The following PCSK5 variants were observed in gnomAD, a reference collection of about 807,000 sequenced individuals.
PCSK5 encodes the protein prohormone convertase 5.
PCSK5 carries 129 observed loss-of-function variants against 233.2 expected under a neutral mutation model. The observed-to-expected ratio is 0.55, with a 90% confidence interval of 0.48 to 0.64. The LOEUF is 0.64. Ranked by LOEUF, PCSK5 falls within the 30% of genes least tolerant of loss-of-function variation. PCSK5 has a pLI of 0.00. For missense variants in PCSK5, 2,076 were observed against 2,430.1 expected (o/e 0.85, Z 3.06); for synonymous variants, 825 against 879.2 (o/e 0.94, Z 1.09).
chr9:76,042,932 T>C (rs1371317592), intron 5 of PCSK5, among the ~76,000 whole-genome samples: 1 of 152,208 alleles, frequency 6.6e-6, no homozygotes, highest in African/African-American at 2.4e-5. Flanking sequence ...CTGTTATCAC[T>C]GTGGGTTGGA....
Position 76,350,851 on chromosome 9 carries a change from T to C in PCSK5, c.4990T>C (p.Ser1664Pro), listed in dbSNP as rs1190761284. 1 of 1,605,780 alleles carries C rather than the reference T, an allele frequency of 6.2e-7. No homozygotes were observed. Among genetic ancestry groups the C allele is most frequent in the Non-Finnish European group, 8.5e-7 (1 of 1,173,848 alleles). ...CKGKGALNCLSCVWSYHLMGG... is the reference protein window; with the variant it reads ...CKGKGALNCLPCVWSYHLMGG... ...AGGAAAAGGAGCGTTGAATTGTTTA[T>C]CCTGTGTGTGGAGTTACCACCTCAT... is the stretch of plus-strand genomic sequence containing the variant. Residue 1664 changes from serine to proline, a missense_variant, in exon 36 of 38, where the codon TCC becomes CCC. Physicochemically the swap from Ser to Pro is moderately conservative, Grantham distance 74. Around this residue, in one of 6 missense-constraint regions of PCSK5, gnomAD observed 1,510 missense variants for 1,538.1 expected, o/e 0.98. Coordinates refer to ENST00000674117, the MANE Select transcript of PCSK5 (RefSeq NM_001372043.1).
chr9:75,958,821 C>T (rs775303342), intron 2 of PCSK5, among the ~76,000 whole-genome samples: 1 of 152,130 alleles, frequency 6.6e-6, no homozygotes, highest in Non-Finnish European at 1.5e-5. Context: ...GAGGTTAATT[C>T]GTGCAAAAAG....
chr9:76,236,567 C>A (rs905586261), intron 22 of PCSK5, among the ~76,000 whole-genome samples: 1 of 152,152 alleles, frequency 6.6e-6, no homozygotes, highest in African/African-American at 2.4e-5. Flanking sequence ...AAAATTTATG[C>A]ATGGTATTTA....
intron 24 of PCSK5, among the ~76,000 whole-genome samples, chr9:76,244,293 G>A (rs1251565653): frequency 2.0e-5 from 3 of 152,126 alleles, no homozygotes; most frequent in East Asian, 1.9e-4. Flanking sequence ...AGGAAGCTTT[G>A]ATCAGACCAT....
chr9:76,139,712 A>G (rs1482822606), intron 10 of PCSK5, among the ~76,000 whole-genome samples: 1 of 151,812 alleles, frequency 6.6e-6, no homozygotes, highest in African/African-American at 2.4e-5. Context: ...ATTGACTGAA[A>G]CCCTTTCATT....
Position 76,113,091 on chromosome 9 carries a change from T to C in PCSK5, c.1208+5740T>C, listed in dbSNP as rs1159142766. On this transcript the variant is annotated intron_variant, in intron 9 of 37. Transcript: ENST00000674117. ...TCCATATCCTTTAGTTGATATTCATTAGTGACTTCTTTCTCCCATACTGCC... is the reference window on the plus strand; with the variant it reads ...TCCATATCCTTTAGTTGATATTCATCAGTGACTTCTTTCTCCCATACTGCC... 2.6e-5 allele frequency among the ~76,000 whole-genome samples: 4 copies of C among 152,314 alleles called. No homozygotes were observed. In the East Asian group the frequency reaches 7.7e-4, roughly 29 times the overall value.
chr9:76,235,758 C>T (rs565031460), intron 22 of PCSK5, among the ~76,000 whole-genome samples: 218 of 152,294 alleles, frequency 1.4e-3, no homozygotes, highest in African/African-American at 5.0e-3. Context: ...AAGGCTTCCT[C>T]GAGGTGGGGT....
At chr9:76,248,201 A>T (rs575858536) in intron 24 of PCSK5, among the ~76,000 whole-genome samples, 1 of 152,280 alleles carries the variant, frequency 6.6e-6, no homozygotes, top group Non-Finnish European at 1.5e-5. Flanking sequence ...AAGTGCTAGG[A>T]TTACAGGCAT....
At chr9:75,970,726 A>C (rs1389545684) in intron 2 of PCSK5, among the ~76,000 whole-genome samples, 1 of 151,974 alleles carries the variant, frequency 6.6e-6, no homozygotes, top group African/African-American at 2.4e-5. Context: ...GGTTCAAATA[A>C]TTCTCCTGCC....
chr9:76,130,386 A>G (rs900958581), intron 9 of PCSK5, among the ~76,000 whole-genome samples: 2 of 152,196 alleles, frequency 1.3e-5, no homozygotes, highest in African/African-American at 4.8e-5. Flanking sequence ...GTTTGGAAAT[A>G]GTGTTATATG....
chr9:76,192,099 C>T (rs1217069153), intron 20 of PCSK5, among the ~76,000 whole-genome samples: 4 of 146,044 alleles, frequency 2.7e-5, no homozygotes, highest in Non-Finnish European at 1.5e-5. Flanking sequence ...AAGTGATGAT[C>T]GATGCAGGAA....
intron 5 of PCSK5, among the ~76,000 whole-genome samples, chr9:76,047,222 G>A (rs1252807607): frequency 2.6e-5 from 4 of 151,538 alleles, no homozygotes; most frequent in Admixed American, 1.3e-4. Context: ...TCAGCCTCCC[G>A]AGTAGCTGGG....
intron 24 of PCSK5, chr9:76,288,095 TGAG>T (rs1828145719): frequency 6.6e-6 from 1 of 152,238 alleles, no homozygotes; most frequent in Admixed American, 6.5e-5. Context: ...GAGGGGGTCT[TGAG>T]GTAGTGGTAG....
chr9:75,928,604 T>C (rs1394088744), intron 1 of PCSK5, among the ~76,000 whole-genome samples: 4 of 97,590 alleles, frequency 4.1e-5, no homozygotes, highest in African/African-American at 1.0e-4. Context: ...TACATATATA[T>C]ATATATATAT....
At chr9:76,328,344 T>C (rs1224750773) in intron 33 of PCSK5, 105 bp downstream of exon 33, 1 of 825,672 alleles carries the variant, frequency 1.2e-6, no homozygotes, top group African/African-American at 1.7e-5. Flanking sequence ...TTTGATTTTT[T>C]GCTTTGTGTT....
chr9:76,111,877 CA>C (rs1832231117), intron 9 of PCSK5, among the ~76,000 whole-genome samples: 1 of 151,914 alleles, frequency 6.6e-6, no homozygotes, highest in East Asian at 1.9e-4. Context: ...ATAGATCTAT[CA>C]GGGGGAAAAA....
chr9:75,963,205 CAA>C (rs577849372), intron 2 of PCSK5, among the ~76,000 whole-genome samples: 51 of 152,212 alleles, frequency 3.4e-4, no homozygotes, highest in Non-Finnish European at 6.2e-4. Context: ...CTTTATCCAA[CAA>C]GAGAGAGAGA....
At chr9:76,085,880 C>G (rs1587607463) in intron 7 of PCSK5, among the ~76,000 whole-genome samples, 1 of 152,148 alleles carries the variant, frequency 6.6e-6, no homozygotes, top group Non-Finnish European at 1.5e-5. Context: ...TATGAACTTT[C>G]CATTATTGCT....
At chr9:75,908,915 CTATCTATCTCTCTA>C (rs1392280851) in intron 1 of PCSK5, among the ~76,000 whole-genome samples, 16 of 128,488 alleles carry the variant, frequency 1.2e-4, no homozygotes, top group African/African-American at 4.1e-4. Flanking sequence ...ATCTATCTAT[CTATCTATCTCTCTA>C]TCTCTCTCTC....
Sources: gnomAD v4.1 joint callset for allele counts (sites outside exome capture counted in the v4.1 genomes callset) on GRCh38, gnomAD v4.1.1 for gene constraint, gnomAD v4.1.1 regional missense constraint, MANE v1.5 for transcripts, NCBI Gene and HGNC (gene_info 2026-07-23, HGNC 2026-07-21) for gene names.